CCND3: variants seen among roughly 807,000 people sequenced by gnomAD.
CCND3 encodes G1/S-specific cyclin-D3.
In CCND3, 9 loss-of-function variants were observed where a neutral mutation model predicts 28.7. The observed-to-expected ratio is 0.31, with a 90% CI of 0.19 to 0.55. The LOEUF (loss-of-function observed/expected upper bound fraction) is 0.55, where lower values mean the gene tolerates loss of function less well. Among genes scored for constraint, CCND3 ranks in the 20% least tolerant of loss-of-function variants. The pLI, the probability that CCND3 is intolerant of heterozygous loss-of-function variation, is 0.93. For synonymous variants in CCND3, 164 were observed against 163.9 expected (o/e 1.00, Z 0.00); for missense variants, 315 against 385.8 (o/e 0.82, Z 1.54).
intron 1 of CCND3, among the ~76,000 whole-genome samples, chr6:41,967,930 C>T (rs1761931912): frequency 6.6e-6 from 1 of 152,162 alleles, no homozygotes; most frequent in Non-Finnish European, 1.5e-5. Flanking sequence ...ATTCTAAATG[C>T]TTCAAATGTT....
In CCND3 at chr6:42,035,527, C is replaced by G. The variant is rs141851521; in HGVS notation, c.-46+12974G>C. Among the ~76,000 whole-genome samples the G allele has an allele frequency of 1.1e-3, 161 of 151,734 alleles. No homozygotes were observed. The Middle Eastern group carries it at 0.02, about 19-fold the overall frequency. On this transcript the variant is annotated intron_variant, in intron 1 of 4. Coordinates refer to the CCND3 transcript ENST00000372988. ...GGACTACAGGTGCCCACTACCACGC[C>G]TGGCTAATTTTTTGTATTTTCAGTA...
At chr6:42,039,611 A>T (rs1294563918) in intron 1 of CCND3, among the ~76,000 whole-genome samples, 1 of 152,228 alleles carries the variant, frequency 6.6e-6, no homozygotes, top group Non-Finnish European at 1.5e-5. Context: ...AGAGCGAGGA[A>T]AGGAAAATGA....
intron 1 of CCND3, among the ~76,000 whole-genome samples, chr6:42,033,039 G>A (rs1446593989): frequency 1.3e-5 from 2 of 152,162 alleles, no homozygotes; most frequent in Admixed American, 6.6e-5. Flanking sequence ...TACTGTTCAT[G>A]AAGTCATGAA....
At chr6:41,962,080 C>T (rs573804323) in intron 1 of CCND3, among the ~76,000 whole-genome samples, 1 of 152,154 alleles carries the variant, frequency 6.6e-6, no homozygotes. Context: ...AACCTGTGCT[C>T]CCCACAACTG....
At chr6:41,949,380 C>T (rs1776249619) in intron 1 of CCND3, among the ~76,000 whole-genome samples, 1 of 152,136 alleles carries the variant, frequency 6.6e-6, no homozygotes, top group South Asian at 2.1e-4. Flanking sequence ...TGACGCACGC[C>T]TGTAATCCCA....
intron 1 of CCND3, among the ~76,000 whole-genome samples, chr6:41,988,837 T>G (rs181533194): frequency 0.018 from 2,736 of 150,916 alleles, 84 homozygotes; most frequent in African/African-American, 0.061. Context: ...TAGCTGGGAC[T>G]ACAGGCGCCT....
At chr6:41,942,591 T>G (rs1037214165), upstream of CCND3, among the ~76,000 whole-genome samples, 1 of 152,196 alleles carries the variant, frequency 6.6e-6, no homozygotes, top group African/African-American at 2.4e-5. Flanking sequence ...AAGTCGGCCT[T>G]AGTTTCTGTT....
chr6:42,048,264 G>T lies in CCND3; in HGVS notation c.-46+237C>A. Reference sequence around the variant, plus strand: ...ACGGGGCTTCCAGATCAGCTGGAGGGGGTTGTGCCGATGTGTGTACATACA... The same window carrying T: ...ACGGGGCTTCCAGATCAGCTGGAGGTGGTTGTGCCGATGTGTGTACATACA... On this transcript the variant is annotated intron_variant, in intron 1 of 4. Transcript: ENST00000372988. This position sits in a 1 kb window ranked among gnomAD's most constrained non-coding sequence, Gnocchi z 4.7. 1 of 249,112 alleles carries T rather than the reference G, an allele frequency of 4.0e-6. No individual in the cohort carries two copies. The highest frequency in any genetic ancestry group is 7.9e-6 in the Non-Finnish European group (1 of 125,796). 15.4% of individuals were successfully genotyped at this position (249,112 alleles called of 1,614,324 possible).
At position 42,019,666 on chromosome 6, in the gene CCND3, A is replaced by G. The variant is rs114717115; in HGVS notation, c.-46+28835T>C. ...AAAAGGTTCAGAAGGACATCTAGTAACCCTTAACACTGATTTTCCCTGAGG... is the reference window on the plus strand; with the variant it reads ...AAAAGGTTCAGAAGGACATCTAGTAGCCCTTAACACTGATTTTCCCTGAGG... On this transcript the variant is annotated intron_variant, in intron 1 of 4. Coordinates refer to the CCND3 transcript ENST00000372988. Among the ~76,000 whole-genome samples, 144 of 152,242 alleles carry G rather than the reference A, an allele frequency of 9.5e-4. 1 individual carries two copies. Among genetic ancestry groups the G allele is most frequent in the Non-Finnish European group, 1.4e-3 (92 of 68,022 alleles).
In CCND3 at chr6:41,981,688, C is replaced by T. The variant is rs994907228; in HGVS notation, c.-45-41103G>A. Among the ~76,000 whole-genome samples, 7 of 151,774 alleles carry T rather than the reference C, an allele frequency of 4.6e-5. No homozygotes were observed. The East Asian group carries it at 1.2e-3, about 26-fold the overall frequency. On this transcript the variant is annotated intron_variant, in intron 1 of 4. Coordinates refer to the CCND3 transcript ENST00000372988. ...ACAGGCATGTGCCACCACACCTAGC[C>T]AATTTTTGTATTTTTAGTAGAGATG...
chr6:42,019,505 A>AAAAGG (rs1561990105), intron 1 of CCND3, among the ~76,000 whole-genome samples: 4 of 151,206 alleles, frequency 2.6e-5, no homozygotes, highest in East Asian at 3.9e-4. Context: ...AAAAAAAAAA[A>AAAAGG]AAAGGAAAGG....
chr6:41,951,576 A>AC (rs1491199819), intron 1 of CCND3, among the ~76,000 whole-genome samples: 2,037 of 100,510 alleles, frequency 0.02, 45 homozygotes, highest in South Asian at 0.033. Flanking sequence ...ACACACACAC[A>AC]AAAAAAAAGA....
Position 41,941,251 on chromosome 6 carries a change from C to G in CCND3, c.198+201G>C. ...GTTAGGGTGCCAAGTGACTGGCAGT[C>G]ACTGTCGGGAGGAGCCGATTAGGGC... On this transcript the variant is annotated intron_variant, in intron 1 of 4. Transcript: ENST00000372991. The surrounding 1 kb of genome is among the most constrained non-coding windows in gnomAD (Gnocchi z 6.1). 4.2e-6 allele frequency: 6 copies of G among 1,433,302 alleles called. No individual in the cohort carries two copies. The highest frequency in any genetic ancestry group is 5.5e-6 in the Non-Finnish European group (6 of 1,097,464). 88.8% of individuals were successfully genotyped at this position (1,433,302 alleles called of 1,614,324 possible).
At chr6:42,011,672 C>T (rs1432851066) in intron 1 of CCND3, among the ~76,000 whole-genome samples, 2 of 152,124 alleles carry the variant, frequency 1.3e-5, no homozygotes, top group African/African-American at 2.4e-5. Context: ...CTCTCCACCA[C>T]CCCAGAATTG....
At chr6:41,947,519 A>G (rs1211903097) in intron 1 of CCND3, among the ~76,000 whole-genome samples, 1 of 152,220 alleles carries the variant, frequency 6.6e-6, no homozygotes, top group African/African-American at 2.4e-5. Flanking sequence ...ACTTGGTGTC[A>G]TTCCTGACTC....
intron 1 of CCND3, among the ~76,000 whole-genome samples, chr6:42,027,928 G>A (rs536293351): frequency 5.4e-4 from 82 of 152,188 alleles, no homozygotes; most frequent in African/African-American, 1.9e-3. Context: ...TGTACTTTTA[G>A]TAGAGACGGG....
Position 41,940,350 on chromosome 6 carries a change from G to T in CCND3, c.414+20C>A. On this transcript the variant is annotated intron_variant, in intron 2 of 4. Transcript: ENST00000372991. Reference sequence around the variant, plus strand: ...TGGGGAGACAATACGTGTCGGGGGTGGGGGGAGTTACACACGCACCCGCAA... The same window carrying T: ...TGGGGAGACAATACGTGTCGGGGGTTGGGGGAGTTACACACGCACCCGCAA... 1.9e-6 allele frequency: 3 copies of T among 1,583,418 alleles called. No homozygotes were observed. Among genetic ancestry groups the T allele is most frequent in the Non-Finnish European group, 2.6e-6 (3 of 1,152,390 alleles).
chr6:41,940,951 C>T (rs747315028), intron 1 of CCND3: 3 of 1,612,782 alleles, frequency 1.9e-6, no homozygotes, highest in Non-Finnish European at 2.5e-6. Flanking sequence ...ACTGCACACA[C>T]CCGAGGGGAA....
At chr6:42,026,615 C>A (rs888909639) in intron 1 of CCND3, among the ~76,000 whole-genome samples, 2 of 152,166 alleles carry the variant, frequency 1.3e-5, no homozygotes, top group Admixed American at 6.5e-5. Flanking sequence ...GCAAAGATTG[C>A]CAACTGTCCC....
Sources: allele counts gnomAD v4.1 joint callset (sites outside exome capture counted in the v4.1 genomes callset), GRCh38; gene constraint gnomAD v4.1.1; non-coding constraint Gnocchi (gnomAD v3.1); transcripts MANE v1.5; gene names NCBI Gene and HGNC (gene_info 2026-07-23, HGNC 2026-07-21).